Variants in OR2L13 observed in about 807,000 individuals in gnomAD.
The protein encoded by OR2L13 is olfactory receptor family 2 subfamily L member 13.
Under a neutral mutation model 15.3 loss-of-function variants are expected in OR2L13, and 14 were observed. That is an observed-to-expected ratio of 0.91 (90% CI 0.60 to 1.43). OR2L13 has a LOEUF of 1.43. OR2L13 is among the 40% of genes most tolerant of loss of function. The probability of loss-of-function intolerance (pLI) is 0.00; values close to 1 mark genes in which losing one functional copy is unlikely to be tolerated. For synonymous variants in OR2L13, 152 were observed against 142.9 expected (o/e 1.06, Z -0.45); for missense variants, 367 against 387.9 (o/e 0.95, Z 0.45).
the OR2L13 span, among the ~76,000 whole-genome samples, chr1:248,044,829 A>C: frequency 1.1e-4 from 9 of 83,428 alleles, no homozygotes; most frequent in South Asian, 2.6e-4. Flanking sequence ...AAAAAAAAAA[A>C]AAAAAAAAAA....
the OR2L13 span, among the ~76,000 whole-genome samples, chr1:247,982,897 T>A: frequency 6.6e-6 from 1 of 152,162 alleles, no homozygotes; most frequent in Non-Finnish European, 1.5e-5. Context: ...TAACCTCTTA[T>A]ATTTTTGTTT....
the OR2L13 span, among the ~76,000 whole-genome samples, chr1:248,029,719 G>A: frequency 3.3e-5 from 5 of 152,126 alleles, no homozygotes. Context: ...ATTGAACTCA[G>A]AAAGAAATTA....
At chr1:248,046,040 A>G in the OR2L13 span, among the ~76,000 whole-genome samples, 1 of 152,164 alleles carries the variant, frequency 6.6e-6, no homozygotes, top group Admixed American at 6.5e-5. Context: ...TCTCAGATAG[A>G]TGGTATAATT....
upstream of OR2L13, among the ~76,000 whole-genome samples, chr1:248,090,306 A>G (rs182143441): frequency 3.7e-4 from 56 of 150,852 alleles, 1 homozygote; most frequent in Admixed American, 2.0e-3. Flanking sequence ...ATGTTTTTTA[A>G]TTTCTAGTTT....
chr1:247,978,284 A>G, the OR2L13 span, among the ~76,000 whole-genome samples: 1 of 152,112 alleles, frequency 6.6e-6, no homozygotes, highest in Non-Finnish European at 1.5e-5. Context: ...TCTCTGCTGC[A>G]ACTCCCACTG....
chr1:247,978,680 G>T, the OR2L13 span, among the ~76,000 whole-genome samples: 1 of 152,118 alleles, frequency 6.6e-6, no homozygotes, highest in Non-Finnish European at 1.5e-5. Flanking sequence ...ATGCTTAGTG[G>T]TTTCTACTGA....
the OR2L13 span, among the ~76,000 whole-genome samples, chr1:247,940,959 G>A: frequency 1.1e-4 from 16 of 151,938 alleles, no homozygotes; most frequent in African/African-American, 3.9e-4. Context: ...TGTATGAAAT[G>A]GTGTCTCATT....
At chr1:248,091,948 G>A (rs2103188840), upstream of OR2L13, among the ~76,000 whole-genome samples, 1 of 151,912 alleles carries the variant, frequency 6.6e-6, no homozygotes, top group Admixed American at 6.6e-5. Context: ...TCTATTTGTT[G>A]GTGTCTCTCC....
chr1:248,041,597 T>C, the OR2L13 span: 2 of 152,102 alleles, frequency 1.3e-5, no homozygotes, highest in Non-Finnish European at 2.9e-5. Context: ...AGAAAATTTT[T>C]GCAACCTACT....
At chr1:248,000,962 A>G in the OR2L13 span, among the ~76,000 whole-genome samples, 1 of 151,784 alleles carries the variant, frequency 6.6e-6, no homozygotes, top group Non-Finnish European at 1.5e-5. Flanking sequence ...GTTTTGGGTG[A>G]TTAAAAAGTG....
At chr1:248,089,102 G>A in the OR2L13 span, among the ~76,000 whole-genome samples, 2 of 152,004 alleles carry the variant, frequency 1.3e-5, no homozygotes, top group Non-Finnish European at 2.9e-5. Flanking sequence ...TACCTGATTT[G>A]GATACAAACT....
rs572212661 is a variant in OR2L13, at chr1:248,099,764, A to G, written c.389A>G (p.Tyr130Cys). ...TATTTGGCCATCTGCCACTCTCTCT[A>G]TTATCCTATCCGCATGAGTAAAATG... The change falls in exon 3 of 3, where the codon TAT (tyrosine) becomes TGT (cysteine). Residue 130 changes from tyrosine to cysteine, a missense_variant. Transcript: ENST00000641714. The G allele has an allele frequency of 3.2e-5, 51 of 1,613,872 alleles. No homozygotes were observed. In the East Asian group the frequency reaches 6.0e-4, roughly 19 times the overall value.
chr1:248,063,381 G>A, the OR2L13 span: 1 of 152,148 alleles, frequency 6.6e-6, no homozygotes, highest in African/African-American at 2.4e-5. Context: ...GTGGATATTT[G>A]TTTTACCATA....
At chr1:247,975,520 C>A in the OR2L13 span, 1 of 1,072,140 alleles carries the variant, frequency 9.3e-7, no homozygotes, top group East Asian at 2.4e-5. Context: ...CCTGCAATCT[C>A]CAACAGAGGA....
the OR2L13 span, among the ~76,000 whole-genome samples, chr1:248,076,499 G>A: frequency 3.3e-5 from 5 of 152,162 alleles, no homozygotes; most frequent in East Asian, 1.9e-4. Flanking sequence ...TCTTCCACTC[G>A]TTTTTGTCCT....
At chr1:247,940,728 G>T in the OR2L13 span, among the ~76,000 whole-genome samples, 4,145 of 51,060 alleles carry the variant, frequency 0.081, 77 homozygotes, top group Admixed American at 0.12. Flanking sequence ...GTGTGCATAC[G>T]TGCGTGTGTG....
At chr1:248,003,157 T>A in the OR2L13 span, 2 of 1,398,640 alleles carry the variant, frequency 1.4e-6, no homozygotes, top group South Asian at 2.3e-5. Context: ...AAACATCAAC[T>A]GATTTCATCT....
At chr1:248,056,287 A>AT in the OR2L13 span, among the ~76,000 whole-genome samples, 27 of 150,510 alleles carry the variant, frequency 1.8e-4, no homozygotes, top group Middle Eastern at 3.4e-3. Flanking sequence ...TAGTTTATTG[A>AT]TTTTTTTTTC....
At chr1:247,966,030 T>G in the OR2L13 span, 1 of 1,614,082 alleles carries the variant, frequency 6.2e-7, no homozygotes, top group Non-Finnish European at 8.5e-7. Context: ...TGGCTTCCTA[T>G]GCTCGTGTGC....
Sources: gnomAD v4.1 joint callset for allele counts (sites outside exome capture counted in the v4.1 genomes callset) on GRCh38, gnomAD v4.1.1 for gene constraint, MANE v1.5 for transcripts, NCBI Gene and HGNC (gene_info 2026-07-23, HGNC 2026-07-21) for gene names.